The following CDH13 variants were observed in gnomAD, a reference collection of about 807,000 sequenced individuals.
CDH13 encodes the protein cadherin 13.
CDH13 carries 24 observed loss-of-function variants against 63.8 expected under a neutral mutation model. The observed-to-expected ratio is 0.38, with a 90% CI of 0.27 to 0.53. CDH13 has a LOEUF of 0.53. Among genes scored for constraint, CDH13 ranks in the 20% least tolerant of loss-of-function variants. CDH13 has a pLI of 0.85. For synonymous variants in CDH13, 503 were observed against 355.3 expected (o/e 1.42, Z -4.67); for missense variants, 1,049 against 903.1 (o/e 1.16, Z -2.07).
chr16:82,796,631 T>C (rs2036593206), intron 1 of CDH13, among the ~76,000 whole-genome samples: 1 of 152,242 alleles, frequency 6.6e-6, no homozygotes, highest in African/African-American at 2.4e-5. Context: ...CCACACTTGA[T>C]TCCAAGGGTG....
chr16:83,563,074 G>C (rs145337266), intron 7 of CDH13, among the ~76,000 whole-genome samples: 40 of 152,324 alleles, frequency 2.6e-4, no homozygotes, highest in Admixed American at 4.6e-4. Flanking sequence ...ATGATCAGAA[G>C]TACAGAGTAA....
At chr16:83,006,932 G>GGT (rs1555560585) in intron 2 of CDH13, among the ~76,000 whole-genome samples, 3 of 121,690 alleles carry the variant, frequency 2.5e-5, no homozygotes, top group Admixed American at 8.0e-5. Flanking sequence ...TTGTTTGTTT[G>GGT]TTTTTTTTGA....
intron 7 of CDH13, among the ~76,000 whole-genome samples, chr16:83,516,059 G>A (rs58321654): frequency 0.031 from 4,736 of 152,134 alleles, 241 homozygotes; most frequent in African/African-American, 0.11. Flanking sequence ...TCAAAAATTC[G>A]CTTTTCCAAG....
intron 1 of CDH13, among the ~76,000 whole-genome samples, chr16:82,716,040 C>G (rs2032348775): frequency 6.6e-6 from 1 of 152,156 alleles, no homozygotes; most frequent in South Asian, 2.1e-4. Context: ...TTGGCTCTGC[C>G]TAAAGTCGGA....
chr16:82,709,518 G>A (rs1296345188), intron 1 of CDH13, among the ~76,000 whole-genome samples: 1 of 152,188 alleles, frequency 6.6e-6, no homozygotes, highest in Non-Finnish European at 1.5e-5. Flanking sequence ...TGGTTACTCA[G>A]TCTCTCTGAT....
At chr16:83,104,663 A>G (rs943242391) in intron 3 of CDH13, among the ~76,000 whole-genome samples, 3 of 152,156 alleles carry the variant, frequency 2.0e-5, no homozygotes, top group Non-Finnish European at 4.4e-5. Flanking sequence ...TAGGTTAAAT[A>G]TTGTGAATAA....
Position 83,125,485 on chromosome 16 carries a change from C to G in CDH13, c.467C>G (p.Pro156Arg), listed in dbSNP as rs753660020. The G allele has an allele frequency of 1.9e-6, 3 of 1,594,612 alleles. No individual in the cohort carries two copies. Among genetic ancestry groups the G allele is most frequent in the Non-Finnish European group, 2.6e-6 (3 of 1,162,602 alleles). ...LIPENQRQPFPRDVGKVVDSD... is the reference protein window; with the variant it reads ...LIPENQRQPFRRDVGKVVDSD... The stretch of plus-strand genomic sequence containing the variant: ...CCAGAGAATCAGAGACAGCCTTTCC[C>G]AAGAGATGTTGGCAAGGTAAGTCAG... Residue 156 changes from proline to arginine, a missense_variant, in exon 4 of 14, where the codon CCA becomes CGA. Physicochemically the swap from Pro to Arg is moderately radical, Grantham distance 103. Coordinates refer to ENST00000567109, the MANE Select transcript of CDH13 (RefSeq NM_001257.5).
intron 8 of CDH13, among the ~76,000 whole-genome samples, chr16:83,654,666 A>G (rs1257451146): frequency 6.6e-6 from 1 of 152,164 alleles, no homozygotes; most frequent in Non-Finnish European, 1.5e-5. Flanking sequence ...ACAGCTCTTT[A>G]TTGCTACAGA....
intron 13 of CDH13, among the ~76,000 whole-genome samples, chr16:83,790,502 C>G (rs975588701): frequency 6.6e-6 from 1 of 152,166 alleles, no homozygotes; most frequent in African/African-American, 2.4e-5. Context: ...CGGATTCACG[C>G]CATTCTCCTG....
chr16:83,061,366 A>G (rs2031535570), intron 3 of CDH13, among the ~76,000 whole-genome samples: 1 of 152,200 alleles, frequency 6.6e-6, no homozygotes, highest in South Asian at 2.1e-4. Flanking sequence ...CCCTTACACC[A>G]TGTGAATTCC....
chr16:82,739,507 A>G (rs1241529216), intron 1 of CDH13, among the ~76,000 whole-genome samples: 1 of 152,232 alleles, frequency 6.6e-6, no homozygotes, highest in Non-Finnish European at 1.5e-5. Flanking sequence ...CAGTTTACAA[A>G]GGTAAGAATC....
chr16:83,192,603 G>T (rs1466671951), intron 4 of CDH13, among the ~76,000 whole-genome samples: 3 of 152,190 alleles, frequency 2.0e-5, no homozygotes, highest in Non-Finnish European at 4.4e-5. Flanking sequence ...AGTTTCCGTG[G>T]TTGACTGTAT....
intron 6 of CDH13, among the ~76,000 whole-genome samples, chr16:83,390,632 A>G (rs1003541186): frequency 3.9e-5 from 6 of 151,992 alleles, no homozygotes; most frequent in Non-Finnish European, 8.8e-5. Flanking sequence ...TGCTGATCCC[A>G]CTGTCTCCCC....
chr16:83,550,618 A>C (rs2075472982), intron 7 of CDH13, among the ~76,000 whole-genome samples: 1 of 152,110 alleles, frequency 6.6e-6, no homozygotes, highest in African/African-American at 2.4e-5. Flanking sequence ...GAGGAGGGGG[A>C]AAGATATCAA....
chr16:83,616,669 A>G (rs1047935496), intron 8 of CDH13, among the ~76,000 whole-genome samples: 23 of 152,232 alleles, frequency 1.5e-4, no homozygotes, highest in African/African-American at 4.1e-4. Context: ...AGTGTGCAGA[A>G]TGAGAACACA....
At chr16:83,594,374 G>T (rs1907058212) in intron 7 of CDH13, among the ~76,000 whole-genome samples, 1 of 152,140 alleles carries the variant, frequency 6.6e-6, no homozygotes, top group African/African-American at 2.4e-5. Flanking sequence ...AAGCAACTTG[G>T]CTGGGATCAC....
At chr16:83,331,645 A>G (rs186260450) in intron 5 of CDH13, among the ~76,000 whole-genome samples, 27 of 152,356 alleles carry the variant, frequency 1.8e-4, no homozygotes, top group African/African-American at 5.3e-4. Flanking sequence ...AAATCACTCA[A>G]TAAAACCACT....
intron 2 of CDH13, among the ~76,000 whole-genome samples, chr16:82,959,512 C>G (rs1567695761): frequency 6.6e-6 from 1 of 152,038 alleles, no homozygotes; most frequent in Non-Finnish European, 1.5e-5. Context: ...GGCTCACAGC[C>G]CCTTCCTTCA....
chr16:83,076,052 A>G (rs1320753779), intron 3 of CDH13, among the ~76,000 whole-genome samples: 1 of 152,238 alleles, frequency 6.6e-6, no homozygotes, highest in Non-Finnish European at 1.5e-5. Flanking sequence ...TGGCAGAGCC[A>G]GAACGTGAGT....
Sources: gnomAD v4.1 joint callset for allele counts (sites outside exome capture counted in the v4.1 genomes callset) on GRCh38, gnomAD v4.1.1 for gene constraint, MANE v1.5 for transcripts, NCBI Gene and HGNC (gene_info 2026-07-23, HGNC 2026-07-21) for gene names.